Variants in TRAPPC9 observed in about 807,000 individuals in gnomAD.
The protein encoded by TRAPPC9 is IKK2 binding protein.
A neutral mutation model predicts 124.0 loss-of-function variants in TRAPPC9; 83 were observed. The observed-to-expected ratio is 0.67, with a 90% CI of 0.56 to 0.80. TRAPPC9 has a LOEUF of 0.80. Ranked by LOEUF, TRAPPC9 falls within the 30% of genes least tolerant of loss-of-function variation. The probability of loss-of-function intolerance (pLI) is 0.00; values close to 1 mark genes in which losing one functional copy is unlikely to be tolerated. For missense variants in TRAPPC9, 1,302 were observed against 1,508.3 expected, an observed-to-expected ratio of 0.86 and a Z score of 2.27; for synonymous variants, 638 against 617.5, an observed-to-expected ratio of 1.03 and a Z score of -0.49.
At chr8:139,768,102 T>TG (rs1171205084) in intron 21 of TRAPPC9, among the ~76,000 whole-genome samples, 1 of 152,116 alleles carries the variant, frequency 6.6e-6, no homozygotes, top group Non-Finnish European at 1.5e-5. Context: ...TCCAAAAATA[T>TG]GGGGGGATGG....
intron 10 of TRAPPC9, among the ~76,000 whole-genome samples, chr8:140,310,633 G>A (rs574505317): frequency 3.3e-5 from 5 of 152,208 alleles, no homozygotes; most frequent in South Asian, 2.1e-4. Flanking sequence ...CAGAAAGGAC[G>A]GCACATGGCA....
intron 21 of TRAPPC9, among the ~76,000 whole-genome samples, chr8:139,787,013 AAT>A (rs1298393199): frequency 2.0e-5 from 3 of 152,174 alleles, no homozygotes; most frequent in African/African-American, 7.2e-5. Context: ...ATACATGTTA[AAT>A]ATGTTTCATT....
intron 19 of TRAPPC9, among the ~76,000 whole-genome samples, chr8:139,937,650 A>G (rs546299392): frequency 6.6e-6 from 1 of 152,274 alleles, no homozygotes; most frequent in African/African-American, 2.4e-5. Context: ...GAGGAAGGGA[A>G]GAGAATTAGA....
intron 17 of TRAPPC9, among the ~76,000 whole-genome samples, chr8:140,147,010 T>C (rs1424089642): frequency 2.0e-5 from 3 of 152,246 alleles, no homozygotes; most frequent in African/African-American, 7.2e-5. Flanking sequence ...ATTCAAACTA[T>C]TGGCTTGGTG....
chr8:140,398,546 G>A lies in TRAPPC9; in HGVS notation c.1009-801C>T, dbSNP rs771328520. ...CTGGAGCAAAGGTGACTCTTGTTAC[G>A]TTTTAGCAAAGAAACTGGTGGCATT... On this transcript the variant is annotated intron_variant, in intron 6 of 22. Coordinates refer to ENST00000438773, the MANE Select transcript of TRAPPC9 (RefSeq NM_001160372.4). Among the ~76,000 whole-genome samples, 7 of 152,356 alleles carry A rather than the reference G, an allele frequency of 4.6e-5. No homozygotes were observed. The South Asian group carries it at 6.2e-4, about 14-fold the overall frequency.
chr8:140,192,889 T>C (rs1423117281), intron 17 of TRAPPC9, among the ~76,000 whole-genome samples: 2 of 152,192 alleles, frequency 1.3e-5, no homozygotes, highest in Non-Finnish European at 2.9e-5. Flanking sequence ...ATGATTCTCC[T>C]GCCTCAGCCT....
intron 2 of TRAPPC9, among the ~76,000 whole-genome samples, chr8:140,445,133 TC>T (rs2071195630): frequency 6.6e-6 from 1 of 151,968 alleles, no homozygotes. Flanking sequence ...CAAAAACACT[TC>T]CCCCATGGCC....
At chr8:140,150,028 C>A (rs1417152454) in intron 17 of TRAPPC9, among the ~76,000 whole-genome samples, 1 of 152,178 alleles carries the variant, frequency 6.6e-6, no homozygotes, top group Non-Finnish European at 1.5e-5. Flanking sequence ...ATAGCAAGGA[C>A]ATAGAGGCAG....
chr8:140,361,843 G>A (rs567211722), intron 8 of TRAPPC9, among the ~76,000 whole-genome samples: 3 of 152,126 alleles, frequency 2.0e-5, no homozygotes, highest in Non-Finnish European at 4.4e-5. Flanking sequence ...CTGGGCGCTC[G>A]GCTGAGGCTG....
intron 22 of TRAPPC9, among the ~76,000 whole-genome samples, 165 bp downstream of exon 22, chr8:139,731,814 C>A (rs1817842088): frequency 6.6e-6 from 1 of 152,144 alleles, no homozygotes; most frequent in African/African-American, 2.4e-5. Context: ...TAAGTTCCTG[C>A]AGTGAATGGG....
chr8:139,885,156 G>A (rs909047174), intron 21 of TRAPPC9, among the ~76,000 whole-genome samples: 3 of 152,176 alleles, frequency 2.0e-5, no homozygotes, highest in African/African-American at 7.2e-5. Context: ...CAAAATAGAT[G>A]AGCTGATTAA....
At chr8:140,253,924 C>T (rs567599663) in intron 15 of TRAPPC9, among the ~76,000 whole-genome samples, 2 of 152,124 alleles carry the variant, frequency 1.3e-5, no homozygotes, top group Non-Finnish European at 2.9e-5. Flanking sequence ...ACAATTACTG[C>T]ACCACAGGGT....
intron 19 of TRAPPC9, among the ~76,000 whole-genome samples, chr8:139,968,115 C>T (rs1204271033): frequency 6.6e-6 from 1 of 151,444 alleles, no homozygotes; most frequent in Non-Finnish European, 1.5e-5. Context: ...CACCACTGTA[C>T]TCCAGCCTGG....
intron 7 of TRAPPC9, among the ~76,000 whole-genome samples, chr8:140,397,258 T>A (rs1588280289): frequency 6.6e-6 from 1 of 152,246 alleles, no homozygotes; most frequent in Non-Finnish European, 1.5e-5. Flanking sequence ...ACAAACTGCA[T>A]GTTTTATAAA....
At chr8:140,367,940 G>C (rs2068170273) in intron 8 of TRAPPC9, among the ~76,000 whole-genome samples, 1 of 152,144 alleles carries the variant, frequency 6.6e-6, no homozygotes, top group Admixed American at 6.5e-5. Context: ...TCCCTCCAGG[G>C]AACACCGAGG....
chr8:139,793,965 C>T (rs1463300110), intron 21 of TRAPPC9, among the ~76,000 whole-genome samples: 2 of 152,174 alleles, frequency 1.3e-5, no homozygotes, highest in Non-Finnish European at 2.9e-5. Context: ...GGCCACAGCA[C>T]CTCCCGACAC....
chr8:140,393,418 A>G (rs2068989970), intron 7 of TRAPPC9, among the ~76,000 whole-genome samples: 1 of 152,228 alleles, frequency 6.6e-6, no homozygotes, highest in Non-Finnish European at 1.5e-5. Flanking sequence ...ATAAATGTAC[A>G]GGTAGACAGC....
At chr8:140,269,143 T>G (rs1224414651) in intron 15 of TRAPPC9, among the ~76,000 whole-genome samples, 2 of 152,114 alleles carry the variant, frequency 1.3e-5, no homozygotes, top group Admixed American at 1.3e-4. Context: ...GTACATGTAT[T>G]TTACCAAAAA....
chr8:139,838,021 C>T (rs536890679), intron 21 of TRAPPC9, among the ~76,000 whole-genome samples: 8 of 152,324 alleles, frequency 5.3e-5, no homozygotes, highest in South Asian at 4.1e-4. Flanking sequence ...AAGCCTTCGA[C>T]GCCCCTGCTT....
Sources: gnomAD v4.1 joint callset for allele counts (sites outside exome capture counted in the v4.1 genomes callset) on GRCh38, gnomAD v4.1.1 for gene constraint, MANE v1.5 for transcripts, NCBI Gene and HGNC (gene_info 2026-07-23, HGNC 2026-07-21) for gene names.